KHDRBS2: variants seen among roughly 807,000 people sequenced by gnomAD.
The protein encoded by KHDRBS2 is KH domain-containing, RNA-binding, signal transduction-associated protein 2.
KHDRBS2 carries 26 observed loss-of-function variants against 44.3 expected under a neutral mutation model. That is an observed-to-expected ratio of 0.59 (90% CI 0.43 to 0.81). The LOEUF (loss-of-function observed/expected upper bound fraction) is 0.81. KHDRBS2 is among the 40% of genes least tolerant of loss of function. The pLI is 0.00. For synonymous variants in KHDRBS2, 194 were observed against 151.1 expected, an observed-to-expected ratio of 1.28 and a Z score of -2.08; for missense variants, 476 against 433.1, an observed-to-expected ratio of 1.10 and a Z score of -0.88.
intron 4 of KHDRBS2, among the ~76,000 whole-genome samples, chr6:61,963,034 C>G (rs1438791703): frequency 6.6e-6 from 1 of 152,086 alleles, no homozygotes; most frequent in Non-Finnish European, 1.5e-5. Flanking sequence ...CAGCAGCAGA[C>G]TTATTCACTA....
At chr6:61,935,156 T>A (rs1322702369) in intron 4 of KHDRBS2, among the ~76,000 whole-genome samples, 1 of 152,196 alleles carries the variant, frequency 6.6e-6, no homozygotes, top group African/African-American at 2.4e-5. Flanking sequence ...TCTTGAGGGT[T>A]GGAATTTCTA....
intron 6 of KHDRBS2, among the ~76,000 whole-genome samples, chr6:61,856,436 G>C (rs1202488162): frequency 1.3e-5 from 2 of 151,966 alleles, no homozygotes; most frequent in African/African-American, 4.8e-5. Flanking sequence ...GGAGTCTGAA[G>C]AAATTTCCCC....
the KHDRBS2 span, among the ~76,000 whole-genome samples, chr6:61,610,188 T>TAA: frequency 8.9e-6 from 1 of 112,980 alleles, no homozygotes; most frequent in African/African-American, 3.1e-5. Context: ...TATATATATT[T>TAA]AAAAAAAAAA....
intron 1 of KHDRBS2, among the ~76,000 whole-genome samples, chr6:62,277,471 A>T (rs1476570984): frequency 6.6e-6 from 1 of 152,036 alleles, no homozygotes; most frequent in Non-Finnish European, 1.5e-5. Flanking sequence ...CCTCCCGAGT[A>T]GCTGGGACTA....
chr6:61,546,846 A>T, the KHDRBS2 span, among the ~76,000 whole-genome samples: 1 of 152,106 alleles, frequency 6.6e-6, no homozygotes, highest in Admixed American at 6.6e-5. Flanking sequence ...TTGTATGATT[A>T]TTATATACTT....
intron 2 of KHDRBS2, among the ~76,000 whole-genome samples, chr6:62,153,965 G>A (rs903530852): frequency 3.9e-5 from 6 of 152,136 alleles, no homozygotes; most frequent in Non-Finnish European, 5.9e-5. Context: ...CTCTCTGAAG[G>A]AGTTTGAGGT....
intron 1 of KHDRBS2, among the ~76,000 whole-genome samples, chr6:62,190,122 G>GC (rs1390938672): frequency 6.6e-6 from 1 of 152,186 alleles, no homozygotes; most frequent in Non-Finnish European, 1.5e-5. Context: ...GGCAATGAAT[G>GC]CAAGAGGAAG....
the KHDRBS2 span, among the ~76,000 whole-genome samples, chr6:61,660,538 T>C: frequency 1.3e-5 from 2 of 151,836 alleles, no homozygotes; most frequent in Non-Finnish European, 2.9e-5. Flanking sequence ...TATTTTAAAA[T>C]ACAAGAATAT....
At chr6:61,764,609 TG>T (rs1362041629) in intron 6 of KHDRBS2, among the ~76,000 whole-genome samples, 1 of 152,244 alleles carries the variant, frequency 6.6e-6, no homozygotes, top group Non-Finnish European at 1.5e-5. Context: ...GGTTTCGATT[TG>T]CATTTCTCTA....
intron 6 of KHDRBS2, among the ~76,000 whole-genome samples, chr6:61,754,664 A>G (rs770308534): frequency 6.6e-6 from 1 of 151,080 alleles, no homozygotes; most frequent in Non-Finnish European, 1.5e-5. Context: ...TGATTATTGT[A>G]AAAAGATTCA....
intron 1 of KHDRBS2, among the ~76,000 whole-genome samples, chr6:62,249,214 T>C (rs1836124753): frequency 6.6e-6 from 1 of 152,092 alleles, no homozygotes; most frequent in South Asian, 2.1e-4. Context: ...ATGCCATAAT[T>C]ATGGATATAG....
At chr6:61,676,250 T>A (rs1765932793), downstream of KHDRBS2, among the ~76,000 whole-genome samples, 1 of 151,878 alleles carries the variant, frequency 6.6e-6, no homozygotes. Flanking sequence ...CATTTATGAT[T>A]ATTTTAAGAG....
chr6:61,886,434 G>T (rs1800965203), intron 6 of KHDRBS2, among the ~76,000 whole-genome samples: 3 of 151,942 alleles, frequency 2.0e-5, no homozygotes, highest in Admixed American at 6.6e-5. Context: ...TCTCCTTGCA[G>T]TCGTTTTTCT....
intron 6 of KHDRBS2, among the ~76,000 whole-genome samples, chr6:61,742,486 A>AT (rs1353691408): frequency 1.4e-4 from 21 of 151,942 alleles, no homozygotes; most frequent in Non-Finnish European, 2.1e-4. Flanking sequence ...TTTTCCATGT[A>AT]TTTTTTCTTT....
chr6:62,139,373 C>A (rs1211227001), intron 2 of KHDRBS2, among the ~76,000 whole-genome samples: 15 of 151,712 alleles, frequency 9.9e-5, no homozygotes, highest in Admixed American at 1.3e-4. Flanking sequence ...TAACACAGTG[C>A]AACCCCGTCT....
chr6:61,989,987 T>C (rs1775824300), intron 3 of KHDRBS2, among the ~76,000 whole-genome samples: 2 of 152,216 alleles, frequency 1.3e-5, no homozygotes, highest in Non-Finnish European at 2.9e-5. Context: ...CTAACTTGTA[T>C]GTTCTTTCTC....
chr6:61,758,016 C>A (rs1778751084), intron 6 of KHDRBS2, among the ~76,000 whole-genome samples: 1 of 152,152 alleles, frequency 6.6e-6, no homozygotes, highest in Non-Finnish European at 1.5e-5. Flanking sequence ...CTGGAATTCT[C>A]TCCTTGTGCA....
At chr6:61,925,086 C>A (rs1478295113) in intron 4 of KHDRBS2, among the ~76,000 whole-genome samples, 1 of 152,094 alleles carries the variant, frequency 6.6e-6, no homozygotes, top group Non-Finnish European at 1.5e-5. Context: ...AGCATGTAAT[C>A]TTGTAATTGA....
At chr6:61,866,927 A>T (rs1204431089) in intron 6 of KHDRBS2, among the ~76,000 whole-genome samples, 1 of 152,196 alleles carries the variant, frequency 6.6e-6, no homozygotes, top group Non-Finnish European at 1.5e-5. Flanking sequence ...TATCGCTATC[A>T]GCATTTTGGA....
Sources: gnomAD v4.1 joint callset for allele counts (sites outside exome capture counted in the v4.1 genomes callset) on GRCh38, gnomAD v4.1.1 for gene constraint, MANE v1.5 for transcripts, NCBI Gene and HGNC (gene_info 2026-07-23, HGNC 2026-07-21) for gene names.